PBX1: variants seen among roughly 807,000 people sequenced by gnomAD.
The protein encoded by PBX1 is pre-B-cell leukemia transcription factor 1.
PBX1 carries 6 observed loss-of-function variants against 53.4 expected under a neutral mutation model. That is an observed-to-expected ratio of 0.11 (90% CI 0.06 to 0.22). PBX1 has a LOEUF of 0.22. Among genes scored for constraint, PBX1 ranks in the 10% least tolerant of loss-of-function variants. The pLI is 1.00. For missense variants in PBX1, 251 were observed against 551.4 expected, an observed-to-expected ratio of 0.46 and a Z score of 5.46; for synonymous variants, 204 against 212.3, an observed-to-expected ratio of 0.96 and a Z score of 0.34.
In PBX1 at chr1:164,570,787, T is replaced by G. The variant is rs1258075852; in HGVS notation, c.265+7476T>G. On this transcript the variant is annotated intron_variant, in intron 2 of 8. Transcript: ENST00000420696. ...AGATTCTTGAGGAATTGCCACACTG[T>G]CTTCCACAATGGTTGAATAATTTGC... 2.6e-5 allele frequency among the ~76,000 whole-genome samples: 4 copies of G among 152,202 alleles called. 1 individual carries two copies. The highest frequency in any genetic ancestry group is 6.3e-3 in the Middle Eastern group (2 of 316).
chr1:164,875,493 G>A (rs534962806), intron 2 of PBX1, among the ~76,000 whole-genome samples: 12 of 152,164 alleles, frequency 7.9e-5, no homozygotes, highest in African/African-American at 2.9e-4. Flanking sequence ...TGTAGAGACA[G>A]GGTCTCAGTT....
chr1:164,712,748 G>T (rs568245141), intron 2 of PBX1, among the ~76,000 whole-genome samples: 1 of 152,304 alleles, frequency 6.6e-6, no homozygotes, highest in African/African-American at 2.4e-5. Flanking sequence ...GGAAGTGACT[G>T]TTTCCTGGCC....
At chr1:164,756,159 T>C (rs2102209016) in intron 2 of PBX1, among the ~76,000 whole-genome samples, 1 of 152,314 alleles carries the variant, frequency 6.6e-6, no homozygotes, top group Middle Eastern at 3.4e-3. Flanking sequence ...ATTTGCACTG[T>C]AGCTTTTGAT....
At chr1:164,566,799 C>G (rs2101698440) in intron 2 of PBX1, among the ~76,000 whole-genome samples, 1 of 152,238 alleles carries the variant, frequency 6.6e-6, no homozygotes, top group African/African-American at 2.4e-5. Flanking sequence ...CAATGAATAG[C>G]TGCAATTGTT....
At chr1:164,816,345 C>G (rs192604145) in intron 6 of PBX1, 1 of 152,270 alleles carries the variant, frequency 6.6e-6, no homozygotes, top group Non-Finnish European at 1.5e-5. Flanking sequence ...AGGGCCTATC[C>G]TTTGAGCTCC....
chr1:164,606,913 A>G (rs575092124), intron 2 of PBX1, among the ~76,000 whole-genome samples: 1 of 152,376 alleles, frequency 6.6e-6, no homozygotes, highest in African/African-American at 2.4e-5. Context: ...TTTACAGAAG[A>G]TGGTATAACT....
In PBX1 at chr1:164,710,871, G is replaced by A. The variant is rs746722186; in HGVS notation, c.266-81623G>A. 2.8e-4 allele frequency among the ~76,000 whole-genome samples: 42 copies of A among 152,162 alleles called. 1 individual carries two copies. Among genetic ancestry groups the A allele is most frequent in the Non-Finnish European group, 5.3e-4 (36 of 68,040 alleles). On this transcript the variant is annotated intron_variant, in intron 2 of 8. Transcript: ENST00000420696. ...GAATATTGATGAGAAGGATGAACAG[G>A]GATGACTAAGTGCAAGGCAGGGCGT...
chr1:164,792,842 G>T, intron 3 of PBX1, 104 bp downstream of exon 3: 1 of 879,184 alleles, frequency 1.1e-6, no homozygotes, highest in Non-Finnish European at 1.7e-6. Context: ...TTTCCCAGGT[G>T]CTGGCATCCC....
At chr1:164,662,899 C>G (rs1477188332) in intron 2 of PBX1, among the ~76,000 whole-genome samples, 2 of 151,904 alleles carry the variant, frequency 1.3e-5, no homozygotes, top group East Asian at 3.9e-4. Flanking sequence ...TTTCTTACTC[C>G]TGAACTAGAA....
At chr1:164,867,662 C>G (rs1012181149) in intron 2 of PBX1, among the ~76,000 whole-genome samples, 1 of 152,126 alleles carries the variant, frequency 6.6e-6, no homozygotes, top group African/African-American at 2.4e-5. Flanking sequence ...ATAAATAAAC[C>G]CCAGAATCAG....
At chr1:164,590,543 G>A (rs752501907) in intron 2 of PBX1, 31 of 448,136 alleles carry the variant, frequency 6.9e-5, no homozygotes, top group Non-Finnish European at 1.2e-4. Context: ...GGACAACAGT[G>A]TGAAATCTTA....
chr1:164,784,468 C>T (rs975708079), intron 2 of PBX1, among the ~76,000 whole-genome samples: 6 of 152,154 alleles, frequency 3.9e-5, no homozygotes, highest in Admixed American at 3.3e-4. Flanking sequence ...GTAGAAAATG[C>T]ACGTGACCAG....
chr1:164,568,623 A>G (rs574555382), intron 2 of PBX1, among the ~76,000 whole-genome samples: 16 of 152,218 alleles, frequency 1.1e-4, no homozygotes, highest in African/African-American at 3.9e-4. Flanking sequence ...AAGGCACTGT[A>G]TTTTCTATAA....
chr1:164,593,291 CTT>C (rs1239618951), intron 2 of PBX1, among the ~76,000 whole-genome samples: 5 of 152,152 alleles, frequency 3.3e-5, no homozygotes, highest in Non-Finnish European at 7.3e-5. Flanking sequence ...CAACTTATCT[CTT>C]TATAATTCCA....
intron 2 of PBX1, among the ~76,000 whole-genome samples, chr1:164,602,885 G>A (rs1397918397): frequency 6.6e-6 from 1 of 152,176 alleles, no homozygotes; most frequent in African/African-American, 2.4e-5. Context: ...TGTATGAAGC[G>A]TTAATGAAGG....
chr1:164,807,509 C>G (rs778564552), intron 4 of PBX1, 33 bp from the exon 5 acceptor site: 14 of 1,605,444 alleles, frequency 8.7e-6, no homozygotes, highest in Non-Finnish European at 1.2e-5. Context: ...TGGTGTGAGC[C>G]TTTTTGTTAT....
At chr1:164,621,449 T>G (rs1254522472) in intron 2 of PBX1, among the ~76,000 whole-genome samples, 1 of 152,142 alleles carries the variant, frequency 6.6e-6, no homozygotes, top group Non-Finnish European at 1.5e-5. Context: ...CGCAAAGGAC[T>G]GCCTGGGGGG....
At chr1:164,742,100 T>C (rs530142228) in intron 2 of PBX1, among the ~76,000 whole-genome samples, 12 of 152,316 alleles carry the variant, frequency 7.9e-5, no homozygotes, top group Admixed American at 7.8e-4. Context: ...TTATTCATAG[T>C]GCAGTTACCT....
chr1:164,810,245 T>C (rs2102341789), intron 5 of PBX1, among the ~76,000 whole-genome samples: 1 of 152,350 alleles, frequency 6.6e-6, no homozygotes, highest in East Asian at 1.9e-4. Flanking sequence ...TCATTCTGTG[T>C]CTGTTATCTA....
Sources: gnomAD v4.1 joint callset for allele counts (sites outside exome capture counted in the v4.1 genomes callset) on GRCh38, gnomAD v4.1.1 for gene constraint, MANE v1.5 for transcripts, NCBI Gene and HGNC (gene_info 2026-07-23, HGNC 2026-07-21) for gene names.